The following ZNF845 variants were observed in gnomAD, a reference collection of about 807,000 sequenced individuals.
The protein encoded by ZNF845 is zinc finger protein 845.
In ZNF845, 59 loss-of-function variants were observed where a neutral mutation model predicts 76.1. The ratio of observed to expected loss-of-function variants is 0.78; its 90% CI spans 0.63 to 0.96. ZNF845 has a LOEUF of 0.96. Among genes scored for constraint, ZNF845 ranks in the 40% least tolerant of loss-of-function variants. ZNF845 has a pLI of 0.00. For synonymous variants in ZNF845, 361 were observed against 386.9 expected, an observed-to-expected ratio of 0.93 and a Z score of 0.78; for missense variants, 1,045 against 1,172.8, an observed-to-expected ratio of 0.89 and a Z score of 1.59.
intron 1 of ZNF845, among the ~76,000 whole-genome samples, chr19:53,336,191 G>A (rs576706180): frequency 2.0e-4 from 28 of 143,234 alleles, no homozygotes; most frequent in Admixed American, 4.9e-4. Context: ...CATCCTGGGC[G>A]AGAGCGAGAC....
rs749938259 is a variant in ZNF845, at chr19:53,351,903, C to T, written c.1228C>T (p.Pro410Ser). The change falls in exon 4 of 4, where the codon CCT becomes TCT. Residue 410 changes from proline to serine, a missense_variant. Pro to Ser is a moderately conservative substitution (Grantham distance 74). Transcript: ENST00000458035. Reference sequence around the variant, plus strand: ...TCGTAGACTTCATACTGGAGAGAAACCTTATAAGTGTAATGATTGTGGCAA... The same window carrying T: ...TCGTAGACTTCATACTGGAGAGAAATCTTATAAGTGTAATGATTGTGGCAA... ...RHRRLHTGEK[P>S]YKCNDCGKTF... 2 of 1,611,134 alleles carry T rather than the reference C, an allele frequency of 1.2e-6. No individual in the cohort carries two copies. The highest frequency in any genetic ancestry group is 1.7e-5 in the Admixed American group (1 of 59,700).
At position 53,342,275 on chromosome 19, in the gene ZNF845, C is replaced by T. The variant is rs1390745577; in HGVS notation, c.15+953C>T. Among the ~76,000 whole-genome samples the T allele has an allele frequency of 2.0e-5, 3 of 151,942 alleles. No homozygotes were observed. In the East Asian group the frequency reaches 5.8e-4, roughly 29 times the overall value. ...GATTATAGGCACGCACCACCACACC[C>T]GGATAATTTAGTTGCATTTTTATTA... On this transcript the variant is annotated intron_variant, in intron 2 of 3. Coordinates refer to ENST00000458035, the MANE Select transcript of ZNF845 (RefSeq NM_138374.3).
At chr19:53,341,190 G>C in intron 1 of ZNF845, 45 bp from the exon 2 acceptor site, 1 of 1,446,910 alleles carries the variant, frequency 6.9e-7, no homozygotes, top group South Asian at 1.2e-5. Flanking sequence ...TAACGGAGGG[G>C]GTGTGTTGAT....
At chr19:53,346,885 C>CTTAT (rs10643449) in intron 3 of ZNF845, among the ~76,000 whole-genome samples, 126,576 of 151,412 alleles carry the variant, frequency 0.84, 53,091 homozygotes, top group Non-Finnish European at 0.88. Flanking sequence ...CTTTTATTTG[C>CTTAT]TTATTTATTT....
Position 53,353,620 on chromosome 19 carries a change from G to A in ZNF845, c.*32G>A, listed in dbSNP as rs1227061289. 6.5e-7 allele frequency: 1 copy of A among 1,539,022 alleles called. No homozygotes were observed. Among genetic ancestry groups the A allele is most frequent in the African/African-American group, 1.4e-5 (1 of 72,414 alleles). ...GAAGAATGTGACAAAGTTTACAGTT[G>A]TAAATCAAGTCTTGAAAGACAGGAG... On this transcript the variant is annotated 3_prime_UTR_variant, in exon 4 of 4. Transcript: ENST00000458035.
intron 2 of ZNF845, among the ~76,000 whole-genome samples, chr19:53,345,178 C>T (rs1163966094): frequency 2.0e-5 from 3 of 151,928 alleles, no homozygotes; most frequent in Non-Finnish European, 4.4e-5. Flanking sequence ...TAGCCAGGCG[C>T]GGTGGCACCA....
rs1468604009 is a variant in ZNF845 at position 53,354,333 on chromosome 19, C to T, written c.*745C>T. On this transcript the variant is annotated 3_prime_UTR_variant, in exon 4 of 4. Coordinates refer to ENST00000458035, the MANE Select transcript of ZNF845 (RefSeq NM_138374.3). The stretch of plus-strand genomic sequence containing the variant: ...CAGCATTGACTTGAGTTTGAATTGA[C>T]TTAACATTGAGTTCAAGCATTAATT... 1 of 367,202 alleles carries T rather than the reference C, an allele frequency of 2.7e-6. No individual in the cohort carries two copies. The highest frequency in any genetic ancestry group is 2.2e-5 in the African/African-American group (1 of 45,722). 22.7% of individuals were successfully genotyped at this position (367,202 alleles called of 1,614,324 possible). A position where few individuals can be genotyped will look rare whatever the true frequency, so the allele number is the denominator to read the frequency against.
chr19:53,344,607 T>TA lies in ZNF845; in HGVS notation c.16-898dup, dbSNP rs1049497726. ...ACATTGATTTTTATTTTATTTTATT[T>TA]ATTTTATTTTATTTTATTTTATTTT... On this transcript the variant is annotated intron_variant, in intron 2 of 3. Coordinates refer to ENST00000458035, the MANE Select transcript of ZNF845 (RefSeq NM_138374.3). 6.1e-3 allele frequency among the ~76,000 whole-genome samples: 872 copies of TA among 143,480 alleles called. 10 individuals are homozygous for TA. The highest frequency in any genetic ancestry group is 0.021 in the African/African-American group (827 of 39,064). 94.1% of individuals were successfully genotyped at this position (143,480 alleles called of 152,430 possible). A position where few individuals can be genotyped will look rare whatever the true frequency, so the allele number is the denominator to read the frequency against.
intron 2 of ZNF845, among the ~76,000 whole-genome samples, chr19:53,344,345 C>G (rs1035089658): frequency 1.3e-5 from 2 of 152,002 alleles, no homozygotes; most frequent in Non-Finnish European, 2.9e-5. Flanking sequence ...TGAGACCAAC[C>G]TGGCCAATAT....
chr19:53,338,380 A>G (rs1385187156), intron 1 of ZNF845, among the ~76,000 whole-genome samples: 2 of 152,104 alleles, frequency 1.3e-5, no homozygotes, highest in South Asian at 2.1e-4. Flanking sequence ...TGCTCTGTAC[A>G]TCACCAGGAC....
intron 2 of ZNF845, among the ~76,000 whole-genome samples, chr19:53,343,327 C>T (rs963079640): frequency 1.5e-4 from 23 of 151,806 alleles, no homozygotes; most frequent in Non-Finnish European, 2.6e-4. Flanking sequence ...ACTGGATGAC[C>T]TGTGTGTTCT....
chr19:53,351,592 A>C lies in ZNF845; in HGVS notation c.917A>C (p.Lys306Thr), dbSNP rs774412678. Residue 306 changes from lysine to threonine, a missense_variant, in exon 4 of 4, where the codon AAG becomes ACG. By Grantham distance (78) the Lys-to-Thr change is moderately conservative. Transcript: ENST00000458035. ...CATTACAAGTGCAGTGAGTGTGGCA[A>C]GACCTTCAGTCGAAATTCAGCCCTT... Reference protein sequence around the residue: ...EKHYKCSECGKTFSRNSALVI... With the variant: ...EKHYKCSECGTTFSRNSALVI... 6.2e-7 allele frequency: 1 copy of C among 1,614,106 alleles called. No individual in the cohort carries two copies. The highest frequency in any genetic ancestry group is 8.5e-7 in the Non-Finnish European group (1 of 1,179,980).
intron 1 of ZNF845, among the ~76,000 whole-genome samples, chr19:53,337,857 G>A (rs531646565): frequency 1.3e-5 from 2 of 152,016 alleles, no homozygotes; most frequent in South Asian, 2.1e-4. Context: ...GAGCCACCGC[G>A]CCCGCCCCAA....
Position 53,350,847 on chromosome 19 carries a change from T to G in ZNF845, c.172T>G (p.Phe58Val), listed in dbSNP as rs376467962. The change falls in exon 4 of 4, where the codon TTC becomes GTC. Residue 58 changes from phenylalanine (F) to valine (V), a missense_variant. Physicochemically the swap from Phe to Val is conservative, Grantham distance 50. Coordinates refer to ENST00000458035, the MANE Select transcript of ZNF845 (RefSeq NM_138374.3). ...DISSKCMMKE[F>V]SSTAQGNTEV... is the part of the protein sequence containing the mutation. ...CTCTTCCAAATGCATGATGAAGGAGTTCTCATCAACAGCACAAGGCAATAC... is the reference window on the plus strand; with the variant it reads ...CTCTTCCAAATGCATGATGAAGGAGGTCTCATCAACAGCACAAGGCAATAC... 2.1e-5 allele frequency: 34 copies of G among 1,613,602 alleles called. 1 individual carries two copies. In the South Asian group the frequency reaches 3.6e-4, roughly 17 times the overall value.
chr19:53,334,648 C>G (rs1314412623), intron 1 of ZNF845, among the ~76,000 whole-genome samples: 1 of 151,776 alleles, frequency 6.6e-6, no homozygotes, highest in Non-Finnish European at 1.5e-5. Flanking sequence ...CGCCTGTAAT[C>G]CTAGCACTTT....
Position 53,352,366 on chromosome 19 carries a change from C to T in ZNF845, c.1691C>T (p.Ser564Leu), listed in dbSNP as rs762585175. Residue 564 changes from serine (S) to leucine (L), a missense_variant, in exon 4 of 4, where the codon TCA becomes TTA. Physicochemically the swap from Ser to Leu is moderately radical, Grantham distance 145. Transcript: ENST00000458035. ...TGTGGCAAAGCCTTTCGTGGGCAGT[C>T]AGCACTTATTTACCATCAAGCAATC... ...NECGKAFRGQ[S>L]ALIYHQAIHG... 25 of 1,613,578 alleles carry T rather than the reference C, an allele frequency of 1.5e-5. No individual in the cohort carries two copies. Among genetic ancestry groups the T allele is most frequent in the Non-Finnish European group, 2.0e-5 (24 of 1,179,846 alleles).
chr19:53,351,328 A>T lies in ZNF845; in HGVS notation c.653A>T (p.Asn218Ile), dbSNP rs545998523. The T allele has an allele frequency of 1.5e-5, 24 of 1,614,222 alleles. No individual in the cohort carries two copies. The South Asian group carries it at 2.4e-4, about 16-fold the overall frequency. ...ATGAGAGAAAAATCTTTCCAATGTAATGAGAGTGGCAAAGCCTTTAATTAT... is the reference window on the plus strand; with the variant it reads ...ATGAGAGAAAAATCTTTCCAATGTATTGAGAGTGGCAAAGCCTTTAATTAT... ...VHMREKSFQC[N>I]ESGKAFNYSS... Residue 218 changes from asparagine to isoleucine, a missense_variant, in exon 4 of 4, where the codon AAT becomes ATT. By Grantham distance (149) the Asn-to-Ile change is moderately radical. Transcript: ENST00000458035.
At position 53,349,414 on chromosome 19, in the gene ZNF845, G is replaced by A. The variant is rs567408266; in HGVS notation, c.143-1404G>A. On this transcript the variant is annotated intron_variant, in intron 3 of 3. Coordinates refer to ENST00000458035, the MANE Select transcript of ZNF845 (RefSeq NM_138374.3). ...TGAGTAGCTGAGACTACTGCCACCCGCCATCACACCCGGCTAATTTTTTTT... is the reference window on the plus strand; with the variant it reads ...TGAGTAGCTGAGACTACTGCCACCCACCATCACACCCGGCTAATTTTTTTT... Among the ~76,000 whole-genome samples, 62 of 151,424 alleles carry A rather than the reference G, an allele frequency of 4.1e-4. 1 individual carries two copies. Among genetic ancestry groups the A allele is most frequent in the Admixed American group, 3.3e-3 (50 of 14,986 alleles).
chr19:53,350,905 A>G lies in ZNF845; in HGVS notation c.230A>G (p.His77Arg). The G allele has an allele frequency of 6.2e-7, 1 of 1,614,220 alleles. No homozygotes were observed. Among genetic ancestry groups the G allele is most frequent in the Middle Eastern group, 1.6e-4 (1 of 6,062 alleles). The change falls in exon 4 of 4, where the codon CAT (histidine) becomes CGT (arginine). Residue 77 changes from histidine to arginine, a missense_variant. By Grantham distance (29) the His-to-Arg change is conservative. Coordinates refer to ENST00000458035, the MANE Select transcript of ZNF845 (RefSeq NM_138374.3). ...ATCCACACAGGGACATTGCAAAGAC[A>G]TGAACGTCATCACATTGGAGATTTT... ...EVIHTGTLQR[H>R]ERHHIGDFCF...
Sources: allele counts gnomAD v4.1 joint callset (sites outside exome capture counted in the v4.1 genomes callset), GRCh38; gene constraint gnomAD v4.1.1; transcripts MANE v1.5; gene names NCBI Gene and HGNC (gene_info 2026-07-23, HGNC 2026-07-21).